The following SSR2 variants were observed in gnomAD, a reference collection of about 807,000 sequenced individuals.
The protein encoded by SSR2 is signal sequence receptor subunit 2, also known as translocon-associated protein subunit beta.
In SSR2, 16 loss-of-function variants were observed where a neutral mutation model predicts 22.6. That is an observed-to-expected ratio of 0.71 (90% CI 0.48 to 1.08). SSR2 has a LOEUF of 1.08. Among genes scored for constraint, SSR2 ranks in the 50% least tolerant of loss-of-function variants. The pLI, the probability that SSR2 is intolerant of heterozygous loss-of-function variation, is 0.00. For synonymous variants in SSR2, 83 were observed against 91.2 expected (o/e 0.91, Z 0.51); for missense variants, 171 against 221.6 (o/e 0.77, Z 1.45).
chr1:156,011,749 C>T (rs936388805), intron 5 of SSR2, 61 bp downstream of exon 5: 2 of 1,442,818 alleles, frequency 1.4e-6, no homozygotes, highest in African/African-American at 1.4e-5. Flanking sequence ...CAAGAGGGTC[C>T]AGAACCAAAA....
Position 156,016,820 on chromosome 1 carries a change from G to A in SSR2, c.254+1450C>T, listed in dbSNP as rs545547845. Reference sequence around the variant, plus strand: ...ATGATATGAGTTCTCACAAGATCTGGTTTAAAAGTGTGTAGCACCTCCCCT... The same window carrying A: ...ATGATATGAGTTCTCACAAGATCTGATTTAAAAGTGTGTAGCACCTCCCCT... On this transcript the variant is annotated intron_variant, in intron 3 of 5. Coordinates refer to ENST00000295702, the MANE Select transcript of SSR2 (RefSeq NM_003145.4). 4.6e-5 allele frequency among the ~76,000 whole-genome samples: 7 copies of A among 152,174 alleles called. No individual in the cohort carries two copies. The South Asian group carries it at 1.2e-3, about 27-fold the overall frequency.
chr1:156,010,024 G>A (rs960986677), intron 5 of SSR2, among the ~76,000 whole-genome samples: 2 of 151,900 alleles, frequency 1.3e-5, no homozygotes. Flanking sequence ...TGCCCACCTC[G>A]GCCTCCCAAA....
In SSR2 at chr1:156,015,170, A is replaced by G. The variant is rs149837311; in HGVS notation, c.255-101T>C. On this transcript the variant is annotated intron_variant, in intron 3 of 5. Coordinates refer to ENST00000295702, the MANE Select transcript of SSR2 (RefSeq NM_003145.4). Reference sequence around the variant, plus strand: ...CCACTTACAAAACATTTGCCAATACATGCTGATCTCATGCCGGCAATATTC... The same window carrying G: ...CCACTTACAAAACATTTGCCAATACGTGCTGATCTCATGCCGGCAATATTC... The G allele has an allele frequency of 5.2e-5, 44 of 839,818 alleles. No homozygotes were observed. The East Asian group carries it at 1.1e-3, about 21-fold the overall frequency. 52.0% of individuals were successfully genotyped at this position (839,818 alleles called of 1,614,324 possible).
intron 5 of SSR2, chr1:156,011,430 C>T (rs1682975159): frequency 1.2e-5 from 2 of 161,078 alleles, no homozygotes; most frequent in Admixed American, 6.1e-5. Context: ...ACTTCAGGCT[C>T]ATCTTCAAAA....
At position 156,009,477 on chromosome 1, in the gene SSR2, CACCTGGATTTCTTGGGAGAGGA is replaced by C; in HGVS notation, c.*41_*62del. The C allele has an allele frequency of 7.8e-7, 1 of 1,284,540 alleles. No homozygotes were observed. Among genetic ancestry groups the C allele is most frequent in the Non-Finnish European group, 1.1e-6 (1 of 883,064 alleles). 79.6% of individuals were successfully genotyped at this position (1,284,540 alleles called of 1,614,324 possible). On this transcript the variant is annotated 3_prime_UTR_variant, in exon 6 of 6. Coordinates refer to ENST00000295702, the MANE Select transcript of SSR2 (RefSeq NM_003145.4). ...AAGATACCCTTTGGAGTCTGGAAAG[CACCTGGATTTCTTGGGAGAGGA>C]GCCTGGATTTCTTGGGAGAGGAGGG...
At chr1:156,018,428 C>T (rs1683094406) in intron 2 of SSR2, 60 bp from the exon 3 acceptor site, 7 of 1,434,160 alleles carry the variant, frequency 4.9e-6, no homozygotes, top group East Asian at 2.4e-5. Context: ...TAAAGCAGGC[C>T]GGGCGCCGTG....
At position 156,009,182 on chromosome 1, in the gene SSR2, G is replaced by A. The variant is rs1308977727; in HGVS notation, c.*358C>T. 2 of 214,444 alleles carry A rather than the reference G, an allele frequency of 9.3e-6. No homozygotes were observed. Among genetic ancestry groups the A allele is most frequent in the African/African-American group, 2.4e-5 (1 of 42,198 alleles). 13.3% of individuals were successfully genotyped at this position (214,444 alleles called of 1,614,324 possible). On this transcript the variant is annotated 3_prime_UTR_variant, in exon 6 of 6. Coordinates refer to ENST00000295702, the MANE Select transcript of SSR2 (RefSeq NM_003145.4). ...CCCTCTTCTGAGAGGGGGAGGCAGGGGATAGGGGTGGTGTCAGGCAGTCTC... is the reference window on the plus strand; with the variant it reads ...CCCTCTTCTGAGAGGGGGAGGCAGGAGATAGGGGTGGTGTCAGGCAGTCTC...
At chr1:156,016,488 G>C (rs528959534) in intron 3 of SSR2, among the ~76,000 whole-genome samples, 1 of 151,772 alleles carries the variant, frequency 6.6e-6, no homozygotes, top group South Asian at 2.1e-4. Context: ...CACCCGCCTC[G>C]GCCTCCCAAA....
chr1:156,018,498 A>T (rs1683095588), intron 2 of SSR2, 130 bp from the exon 3 acceptor site: 2 of 551,030 alleles, frequency 3.6e-6, no homozygotes, highest in Non-Finnish European at 6.5e-6. Context: ...ACCTGAGGTC[A>T]GGAGTTCGAG....
chr1:156,014,105 G>A (rs1178222140), intron 4 of SSR2: 1 of 152,150 alleles, frequency 6.6e-6, no homozygotes, highest in African/African-American at 2.4e-5. Context: ...CTTTTTAGAT[G>A]GATATCCATC....
In SSR2 at chr1:156,009,521, A is replaced by T. The variant is rs370126404; in HGVS notation, c.*19T>A. On this transcript the variant is annotated 3_prime_UTR_variant, in exon 6 of 6. Transcript: ENST00000295702. ...AGGAGCCTGGATTTCTTGGGAGAGG[A>T]GGGCTGTGGAAGCCCCAATCAGTTC... is the stretch of plus-strand genomic sequence containing the variant. The T allele has an allele frequency of 1.0e-4, 163 of 1,572,702 alleles. No individual in the cohort carries two copies. The highest frequency in any genetic ancestry group is 4.2e-4 in the Admixed American group (25 of 59,740).
At chr1:156,009,985 G>T (rs1457909455) in intron 5 of SSR2, among the ~76,000 whole-genome samples, 1 of 151,924 alleles carries the variant, frequency 6.6e-6, no homozygotes, top group Non-Finnish European at 1.5e-5. Flanking sequence ...TGTTGGTCAG[G>T]CTGGTCTTGA....
chr1:156,018,377 T>C lies in SSR2; in HGVS notation c.156-9A>G. The C allele has an allele frequency of 6.2e-7, 1 of 1,607,802 alleles. No individual in the cohort carries two copies. The highest frequency in any genetic ancestry group is 8.5e-7 in the Non-Finnish European group (1 of 1,175,360). On this transcript the variant is annotated splice_polypyrimidine_tract_variant and intron_variant, in intron 2 of 5. Transcript: ENST00000295702. ...CCACGTCTAATGCAGCACTAGAAAA[T>C]GGATGAAACAAAAAGGGTTAGTAAG... is the stretch of plus-strand genomic sequence containing the variant.
rs757236241 is a variant in SSR2, at chr1:156,017,739, G to GTTTTTTTT, written c.254+523_254+530dup. 4.0e-4 allele frequency among the ~76,000 whole-genome samples: 25 copies of GTTTTTTTT among 61,908 alleles called. 4 individuals carry two copies. Among genetic ancestry groups the GTTTTTTTT allele is most frequent in the South Asian group, 8.6e-4 (1 of 1,168 alleles). The allele number at this position is 61,908 out of a possible 152,430, so 40.6% of individuals were successfully genotyped here. A position where few individuals can be genotyped will look rare whatever the true frequency, so the allele number is the denominator to read the frequency against. On this transcript the variant is annotated intron_variant, in intron 3 of 5. Coordinates refer to ENST00000295702, the MANE Select transcript of SSR2 (RefSeq NM_003145.4). ...ATCCTCCCAGTATAGTATGTTTCAG[G>GTTTTTTTT]TTTTTTTTTTTTTTTTTTTTTTTTT...
In SSR2 at chr1:156,009,529, G is replaced by A. The variant is rs1272167195; in HGVS notation, c.*11C>T. Reference sequence around the variant, plus strand: ...GGATTTCTTGGGAGAGGAGGGCTGTGGAAGCCCCAATCAGTTCTTCTTCGT... The same window carrying A: ...GGATTTCTTGGGAGAGGAGGGCTGTAGAAGCCCCAATCAGTTCTTCTTCGT... On this transcript the variant is annotated 3_prime_UTR_variant, in exon 6 of 6. Transcript: ENST00000295702. 6.3e-7 allele frequency: 1 copy of A among 1,599,220 alleles called. No individual in the cohort carries two copies. The highest frequency in any genetic ancestry group is 1.1e-5 in the South Asian group (1 of 90,580).
intron 4 of SSR2, chr1:156,012,092 G>C (rs1347098378): frequency 2.1e-6 from 1 of 473,742 alleles, no homozygotes. Context: ...TTATAAAGAG[G>C]AGTACCTAGG....
At chr1:156,019,918 G>A in intron 2 of SSR2, 95 bp downstream of exon 2, 2 of 1,410,564 alleles carry the variant, frequency 1.4e-6, no homozygotes, top group Non-Finnish European at 1.9e-6. Context: ...GTGTCCCAAA[G>A]AGAAACCACT....
rs567243226 is a variant in SSR2 at position 156,009,414 on chromosome 1, G to A, written c.*126C>T. ...GCTGAGAGCAGGGCAGGATCCAGGA[G>A]AAAGTGGCCAAGGGCTAAGAGAGAA... On this transcript the variant is annotated 3_prime_UTR_variant, in exon 6 of 6. Transcript: ENST00000295702. 3 of 761,432 alleles carry A rather than the reference G, an allele frequency of 3.9e-6. 1 individual carries two copies. The South Asian group carries it at 4.7e-5, about 12-fold the overall frequency. The allele number at this position is 761,432 out of a possible 1,614,324, so 47.2% of individuals were successfully genotyped here.
At chr1:156,018,440 C>T (rs1261807085) in intron 2 of SSR2, 72 bp from the exon 3 acceptor site, 2 of 1,261,880 alleles carry the variant, frequency 1.6e-6, no homozygotes, top group East Asian at 5.0e-5. Context: ...GGCGCCGTGG[C>T]TCACGCCTGT....
Sources: allele counts gnomAD v4.1 joint callset (sites outside exome capture counted in the v4.1 genomes callset), GRCh38; gene constraint gnomAD v4.1.1; transcripts MANE v1.5; gene names NCBI Gene and HGNC (gene_info 2026-07-23, HGNC 2026-07-21).